Variants in SLC35F4 observed in about 807,000 individuals in gnomAD.
SLC35F4 encodes solute carrier family 35 member F4, also known as chromosome 14 open reading frame 36.
A neutral mutation model predicts 44.2 loss-of-function variants in SLC35F4; 24 were observed. The ratio of observed to expected loss-of-function variants is 0.54; its 90% CI spans 0.39 to 0.76. The LOEUF is 0.76. Ranked by LOEUF, SLC35F4 falls within the 30% of genes least tolerant of loss-of-function variation. The probability of loss-of-function intolerance (pLI) is 0.00; values close to 1 mark genes in which losing one functional copy is unlikely to be tolerated. For missense variants in SLC35F4, 562 were observed against 586.1 expected, an observed-to-expected ratio of 0.96 and a Z score of 0.42; for synonymous variants, 238 against 223.6, an observed-to-expected ratio of 1.06 and a Z score of -0.57.
At chr14:57,574,214 T>C (rs1164057641) in intron 4 of SLC35F4, among the ~76,000 whole-genome samples, 2 of 152,244 alleles carry the variant, frequency 1.3e-5, no homozygotes, top group Non-Finnish European at 2.9e-5. Flanking sequence ...GTTTCTATTA[T>C]GTTTCCTCAA....
chr14:57,612,354 T>C (rs34899343), intron 1 of SLC35F4, among the ~76,000 whole-genome samples: 2,885 of 152,248 alleles, frequency 0.019, 35 homozygotes, highest in Middle Eastern at 0.034. Context: ...GTCTCATGCC[T>C]GCCTTTTTCT....
intron 1 of SLC35F4, among the ~76,000 whole-genome samples, chr14:57,709,999 A>T (rs1482262778): frequency 1.3e-5 from 2 of 152,240 alleles, no homozygotes; most frequent in African/African-American, 4.8e-5. Context: ...AGTAACAAGG[A>T]GCCAAATGAT....
rs893265501 is a variant in SLC35F4, at chr14:57,674,401, A to C, written c.104-80277T>G. ...CCCTAAAATAAAAACATATATTCAC[A>C]AAAAGATGTGTACAAGAATTTTCAC... On this transcript the variant is annotated intron_variant, in intron 1 of 7. Coordinates refer to ENST00000556826, the MANE Select transcript of SLC35F4 (RefSeq NM_001306087.2). Among the ~76,000 whole-genome samples, 64 of 152,270 alleles carry C rather than the reference A, an allele frequency of 4.2e-4. 1 individual carries two copies. Among genetic ancestry groups the C allele is most frequent in the African/African-American group, 1.5e-3 (61 of 41,526 alleles).
chr14:57,809,192 T>C (rs948880573), intron 1 of SLC35F4, among the ~76,000 whole-genome samples: 2 of 152,198 alleles, frequency 1.3e-5, no homozygotes, highest in Non-Finnish European at 2.9e-5. Flanking sequence ...ACTGTATCTG[T>C]GAAACCAAGG....
At chr14:57,970,076 T>C (rs1042426321) in intron 1 of SLC35F4, among the ~76,000 whole-genome samples, 1 of 152,246 alleles carries the variant, frequency 6.6e-6, no homozygotes, top group Non-Finnish European at 1.5e-5. Flanking sequence ...ACACTTCCAA[T>C]TATTTACCTT....
chr14:57,883,317 G>T (rs1888579598), intron 1 of SLC35F4, among the ~76,000 whole-genome samples: 1 of 152,152 alleles, frequency 6.6e-6, no homozygotes, highest in African/African-American at 2.4e-5. Context: ...TTTAATATTT[G>T]CAAAACATTA....
chr14:57,806,571 A>G (rs1006289834), intron 1 of SLC35F4, among the ~76,000 whole-genome samples: 1 of 152,330 alleles, frequency 6.6e-6, no homozygotes. Flanking sequence ...AGATAGCTTC[A>G]AATAATTTTA....
At position 57,581,392 on chromosome 14, in the gene SLC35F4, T is replaced by C; in HGVS notation, c.629A>G (p.Lys210Arg). The C allele has an allele frequency of 6.2e-7, 1 of 1,612,684 alleles. No individual in the cohort carries two copies. Among genetic ancestry groups the C allele is most frequent in the Non-Finnish European group, 8.5e-7 (1 of 1,179,376 alleles). The stretch of plus-strand genomic sequence containing the variant: ...GGGAGCAGTTCTTTTAAGAAAGAGT[T>C]TCAGCGTCAGACCATCTTCACCAAA... ...RIFGEDGLTL[K>R]LFLKRTAPFS... is the part of the protein sequence containing the mutation. Residue 210 changes from lysine (K) to arginine (R), a missense_variant, in exon 4 of 8, where the codon AAA (lysine) becomes AGA (arginine). Coordinates refer to ENST00000556826, the MANE Select transcript of SLC35F4 (RefSeq NM_001306087.2).
intron 1 of SLC35F4, among the ~76,000 whole-genome samples, chr14:57,879,547 T>C (rs568516869): frequency 6.6e-6 from 1 of 152,272 alleles, no homozygotes; most frequent in Admixed American, 6.5e-5. Flanking sequence ...CTACTCCTGG[T>C]TGTTTTTCAT....
intron 1 of SLC35F4, among the ~76,000 whole-genome samples, chr14:57,671,362 G>A (rs377557672): frequency 6.6e-6 from 1 of 152,064 alleles, no homozygotes; most frequent in African/African-American, 2.4e-5. Context: ...GGAGAGGGGA[G>A]GACTTTGTCT....
At chr14:57,744,783 G>A (rs1195168757) in intron 1 of SLC35F4, among the ~76,000 whole-genome samples, 1 of 152,236 alleles carries the variant, frequency 6.6e-6, no homozygotes, top group Non-Finnish European at 1.5e-5. Flanking sequence ...ACATTGCCAA[G>A]ACAATCCTAA....
chr14:57,598,891 ATGTGTGTGTGTGTGTG>A (rs34462836), intron 1 of SLC35F4, among the ~76,000 whole-genome samples: 35 of 150,824 alleles, frequency 2.3e-4, no homozygotes, highest in Admixed American at 7.3e-4. Flanking sequence ...GTGTGTGTGT[ATGTGTGTGTGTGTGTG>A]TGTGTGTATA....
In SLC35F4 at chr14:57,605,328, C is replaced by G. The variant is rs551903497; in HGVS notation, c.104-11204G>C. Among the ~76,000 whole-genome samples, 3 of 152,154 alleles carry G rather than the reference C, an allele frequency of 2.0e-5. No individual in the cohort carries two copies. The South Asian group carries it at 6.2e-4, about 32-fold the overall frequency. On this transcript the variant is annotated intron_variant, in intron 1 of 7. Coordinates refer to ENST00000556826, the MANE Select transcript of SLC35F4 (RefSeq NM_001306087.2). ...CAGACAGTTCTGAAAAGAAGACATA[C>G]AAGCAGCCAAGAAATACATGAAAAA... is the stretch of plus-strand genomic sequence containing the variant.
chr14:57,581,057 C>T, intron 4 of SLC35F4, 157 bp downstream of exon 4: 1 of 620,032 alleles, frequency 1.6e-6, no homozygotes. Flanking sequence ...GTTGCAACTG[C>T]CTGGGCTTTC....
At chr14:57,679,869 G>A (rs2074833520) in intron 1 of SLC35F4, among the ~76,000 whole-genome samples, 1 of 151,988 alleles carries the variant, frequency 6.6e-6, no homozygotes, top group South Asian at 2.1e-4. Flanking sequence ...TTCTGAAATT[G>A]AGGCAGAAAT....
At chr14:57,932,601 C>T (rs1889718972) in intron 1 of SLC35F4, among the ~76,000 whole-genome samples, 1 of 152,136 alleles carries the variant, frequency 6.6e-6, no homozygotes, top group African/African-American at 2.4e-5. Flanking sequence ...GTAATCCCAA[C>T]ACTTTGGGAG....
intron 1 of SLC35F4, among the ~76,000 whole-genome samples, chr14:57,917,436 GT>G (rs1291030948): frequency 4.6e-5 from 7 of 151,832 alleles, no homozygotes; most frequent in African/African-American, 1.7e-4. Flanking sequence ...ATTAATCACA[GT>G]TTTTTTTAAT....
intron 1 of SLC35F4, among the ~76,000 whole-genome samples, chr14:57,748,935 A>T (rs1029848707): frequency 6.6e-6 from 1 of 152,180 alleles, no homozygotes; most frequent in African/African-American, 2.4e-5. Flanking sequence ...TGTGCTAGGT[A>T]CTTCACAAAC....
intron 1 of SLC35F4, among the ~76,000 whole-genome samples, chr14:57,612,389 C>T (rs554861781): frequency 2.4e-4 from 36 of 152,172 alleles, no homozygotes; most frequent in Non-Finnish European, 3.5e-4. Flanking sequence ...GACCGCTTCT[C>T]CCCACCCAGC....
Sources: allele counts gnomAD v4.1 joint callset (sites outside exome capture counted in the v4.1 genomes callset), GRCh38; gene constraint gnomAD v4.1.1; transcripts MANE v1.5; gene names NCBI Gene and HGNC (gene_info 2026-07-23, HGNC 2026-07-21).